The following CGNL1 variants were observed in gnomAD, a reference collection of about 807,000 sequenced individuals.
CGNL1 encodes cingulin-like protein 1.
CGNL1 carries 132 observed loss-of-function variants against 141.2 expected under a neutral mutation model. The ratio of observed to expected loss-of-function variants is 0.93; its 90% CI spans 0.81 to 1.08. The LOEUF (loss-of-function observed/expected upper bound fraction) is 1.08. Among genes scored for constraint, CGNL1 ranks in the 50% least tolerant of loss-of-function variants. The pLI is 0.00. For synonymous variants in CGNL1, 690 were observed against 622.1 expected, an observed-to-expected ratio of 1.11 and a Z score of -1.63; for missense variants, 1,870 against 1,588.6, an observed-to-expected ratio of 1.18 and a Z score of -3.01.
rs1468001584 is a variant in CGNL1, at chr15:57,549,642, A to G, written c.*2152A>G. 1 of 152,194 alleles carries G rather than the reference A, an allele frequency of 6.6e-6. No individual in the cohort carries two copies. Among genetic ancestry groups the G allele is most frequent in the African/African-American group, 2.4e-5 (1 of 41,438 alleles). The allele number at this position is 152,194 out of a possible 1,614,324, so 9.4% of individuals were successfully genotyped here. A position where few individuals can be genotyped will look rare whatever the true frequency, so the allele number is the denominator to read the frequency against. ...ATTGGGCATCGGTGATGTGTCAGGC[A>G]CAGTCCTTGGCACACAGAATACAGC... On this transcript the variant is annotated 3_prime_UTR_variant, in exon 19 of 19. Coordinates refer to ENST00000281282, the MANE Select transcript of CGNL1 (RefSeq NM_032866.5).
chr15:57,543,705 T>G lies in CGNL1; in HGVS notation c.3301T>G (p.Leu1101Val), dbSNP rs1620402. ...GTTCTGCTTGCTGTAGATGGAGCAG[T>G]TGAGGAATGAGCTACTTCAGGAGAG... ...ISRSREQMEQ[L>V]RNELLQERAA... Residue 1101 changes from leucine (L) to valine (V), a missense_variant, in exon 15 of 19, where the codon TTG becomes GTG. Transcript: ENST00000281282. 0.25 allele frequency: 406,966 copies of G among 1,610,662 alleles called. 53,891 individuals carry two copies. Among genetic ancestry groups the G allele is most frequent in the African/African-American group, 0.42 (31,657 of 74,796 alleles).
chr15:57,470,664 G>C (rs1252507865), intron 8 of CGNL1, among the ~76,000 whole-genome samples: 2 of 152,216 alleles, frequency 1.3e-5, no homozygotes, highest in Non-Finnish European at 2.9e-5. Context: ...ATGCCTGAGT[G>C]TGTTTTCTGT....
chr15:57,381,850 A>G (rs1200295994), intron 1 of CGNL1, among the ~76,000 whole-genome samples: 1 of 152,194 alleles, frequency 6.6e-6, no homozygotes, highest in African/African-American at 2.4e-5. Flanking sequence ...GTATTCCGCT[A>G]AAGGCCACTG....
chr15:57,479,355 A>ACAAT (rs2063696585), intron 8 of CGNL1, among the ~76,000 whole-genome samples: 1 of 152,118 alleles, frequency 6.6e-6, no homozygotes. Flanking sequence ...AGCAATAGAA[A>ACAAT]CAATCAGCAT....
rs540416647 is a variant in CGNL1 at position 57,444,499 on chromosome 15, C to A, written c.1803+2021C>A. 8.5e-5 allele frequency among the ~76,000 whole-genome samples: 13 copies of A among 152,170 alleles called. 1 individual carries two copies. The South Asian group carries it at 2.7e-3, about 32-fold the overall frequency. On this transcript the variant is annotated intron_variant, in intron 4 of 18. Transcript: ENST00000281282. ...GCATGTGTTTAACTCGTAAATTATA[C>A]CTGTTTGTTCTTAGAGTGAGCGCAG...
chr15:57,484,786 C>G (rs560754555), intron 8 of CGNL1, among the ~76,000 whole-genome samples: 3 of 152,114 alleles, frequency 2.0e-5, no homozygotes, highest in African/African-American at 7.2e-5. Context: ...TCAACTCCCA[C>G]TTATGAGTGA....
chr15:57,504,941 G>A (rs747351603), intron 8 of CGNL1, among the ~76,000 whole-genome samples: 81 of 152,148 alleles, frequency 5.3e-4, no homozygotes, highest in Non-Finnish European at 8.1e-4. Flanking sequence ...AACAGATGAG[G>A]GCTGGCCCTA....
rs545545731 is a variant in CGNL1 at position 57,470,057 on chromosome 15, C to G, written c.2403+8165C>G. Among the ~76,000 whole-genome samples the G allele has an allele frequency of 1.2e-4, 18 of 152,278 alleles. No homozygotes were observed. In the South Asian group the frequency reaches 1.9e-3, roughly 16 times the overall value. On this transcript the variant is annotated intron_variant, in intron 8 of 18. Transcript: ENST00000281282. ...ATTCCTCATTTCCTCTGCATTTTAA[C>G]TTCAAATAATCAACTTACCCTGAAT...
At position 57,399,689 on chromosome 15, in the gene CGNL1, G is replaced by A. The variant is rs12902059; in HGVS notation, c.-16+23122G>A. ...AAGATCTCTGAGTTTTGTCTTCGGA[G>A]CGGAGTATGGAATCTGTCCATTGAG... is the stretch of plus-strand genomic sequence containing the variant. On this transcript the variant is annotated intron_variant, in intron 1 of 18. Coordinates refer to ENST00000281282, the MANE Select transcript of CGNL1 (RefSeq NM_032866.5). Among the ~76,000 whole-genome samples the A allele has an allele frequency of 3.1e-4, 47 of 152,124 alleles. No homozygotes were observed. The South Asian group carries it at 9.3e-3, about 30-fold the overall frequency.
At chr15:57,493,855 A>T (rs562043865) in intron 8 of CGNL1, among the ~76,000 whole-genome samples, 1 of 152,354 alleles carries the variant, frequency 6.6e-6, no homozygotes, top group African/African-American at 2.4e-5. Flanking sequence ...TCAACAAATA[A>T]AAAGTAGTTA....
intron 10 of CGNL1, among the ~76,000 whole-genome samples, chr15:57,522,690 G>A (rs1995990): frequency 0.6 from 91,734 of 152,078 alleles, 28,434 homozygotes; most frequent in African/African-American, 0.72. Context: ...TTATTCTGGA[G>A]TTGCATGTTG....
chr15:57,481,527 T>C (rs1366677408), intron 8 of CGNL1, among the ~76,000 whole-genome samples: 1 of 152,212 alleles, frequency 6.6e-6, no homozygotes, highest in East Asian at 1.9e-4. Context: ...GGTTCTTTCC[T>C]TTTTATTGCT....
chr15:57,519,578 T>G (rs1251141434), intron 10 of CGNL1, among the ~76,000 whole-genome samples: 3 of 152,210 alleles, frequency 2.0e-5, no homozygotes, highest in Non-Finnish European at 4.4e-5. Context: ...CTGAGTTCAA[T>G]GTCTGACTGC....
chr15:57,547,376 A>G lies in CGNL1; in HGVS notation c.3795A>G (p.Lys1265=). 6.2e-7 allele frequency: 1 copy of G among 1,614,178 alleles called. No individual in the cohort carries two copies. Among genetic ancestry groups the G allele is most frequent in the Non-Finnish European group, 8.5e-7 (1 of 1,180,002 alleles). The change falls in exon 19 of 19, where the codon AAA becomes AAG. Residue 1265 remains lysine, a synonymous_variant. Transcript: ENST00000281282. ...GCAGACTGAAGAAGCTGCCGAGTAA[A>G]GTGCTGGATGACATGGATGACGACG... The part of the protein sequence containing the change: ...KDLRLKKLPS[K]VLDDMDDDDD...
chr15:57,518,667 C>G (rs1260066608), intron 10 of CGNL1, among the ~76,000 whole-genome samples, 170 bp downstream of exon 10: 1 of 152,200 alleles, frequency 6.6e-6, no homozygotes, highest in African/African-American at 2.4e-5. Flanking sequence ...CGATTCTCAA[C>G]TGGGGGGGAT....
In CGNL1 at chr15:57,439,576, C is replaced by T. The variant is rs1192986045; in HGVS notation, c.1577C>T (p.Thr526Ile). The change falls in exon 2 of 19, where the codon ACA (threonine) becomes ATA (isoleucine). Residue 526 changes from threonine (T) to isoleucine (I), a missense_variant. By Grantham distance (89) the Thr-to-Ile change is moderately conservative. Coordinates refer to ENST00000281282, the MANE Select transcript of CGNL1 (RefSeq NM_032866.5). Reference sequence around the variant, plus strand: ...GGTGCCAAGAAAATTTCCGTGAAGACATTTCCTTCGGCCTCAAATACTCAG... The same window carrying T: ...GGTGCCAAGAAAATTTCCGTGAAGATATTTCCTTCGGCCTCAAATACTCAG... ...DSGAKKISVK[T>I]FPSASNTQAT... The T allele has an allele frequency of 6.2e-6, 10 of 1,613,608 alleles. No homozygotes were observed. Among genetic ancestry groups the T allele is most frequent in the East Asian group, 2.2e-5 (1 of 44,886 alleles).
At chr15:57,519,760 G>A (rs546730370) in intron 10 of CGNL1, among the ~76,000 whole-genome samples, 2 of 152,228 alleles carry the variant, frequency 1.3e-5, no homozygotes, top group South Asian at 4.1e-4. Context: ...GAGCTGGTTG[G>A]GGGGCAGAAA....
At chr15:57,378,398 T>TTTTTTTTA (rs2062390367) in intron 1 of CGNL1, among the ~76,000 whole-genome samples, 1 of 81,900 alleles carries the variant, frequency 1.2e-5, no homozygotes, top group Non-Finnish European at 2.3e-5. Flanking sequence ...TTTTTTTTTT[T>TTTTTTTTA]GAGACAGAGT....
rs148910410 is a variant in CGNL1, at chr15:57,444,342, T to C, written c.1803+1864T>C. Among the ~76,000 whole-genome samples the C allele has an allele frequency of 7.2e-5, 11 of 152,338 alleles. No homozygotes were observed. The East Asian group carries it at 1.7e-3, about 24-fold the overall frequency. On this transcript the variant is annotated intron_variant, in intron 4 of 18. Transcript: ENST00000281282. The stretch of plus-strand genomic sequence containing the variant: ...ACATAGTGTGTATTCTTGGTGTACA[T>C]TTCTGGTTTGGGGCTATTAGGAATA...
Sources: gnomAD v4.1 joint callset for allele counts (sites outside exome capture counted in the v4.1 genomes callset) on GRCh38, gnomAD v4.1.1 for gene constraint, MANE v1.5 for transcripts, NCBI Gene and HGNC (gene_info 2026-07-23, HGNC 2026-07-21) for gene names.